Variants in DAB1 observed in about 807,000 individuals in gnomAD.
DAB1 encodes DAB adaptor protein 1, also known as disabled homolog 1.
Under a neutral mutation model 64.6 loss-of-function variants are expected in DAB1, and 15 were observed. The observed-to-expected ratio is 0.23, with a 90% CI of 0.16 to 0.36. The LOEUF is 0.36. Ranked by LOEUF, DAB1 falls within the 10% of genes least tolerant of loss-of-function variation. The pLI is 1.00. For synonymous variants in DAB1, 235 were observed against 251.9 expected (o/e 0.93, Z 0.64); for missense variants, 596 against 706.7 (o/e 0.84, Z 1.78).
chr1:57,625,764 G>T (rs559796298), intron 7 of DAB1, among the ~76,000 whole-genome samples: 1 of 152,218 alleles, frequency 6.6e-6, no homozygotes, highest in Admixed American at 6.5e-5. Context: ...AAGACAGAAG[G>T]AGAGAGTGAA....
intron 2 of DAB1, among the ~76,000 whole-genome samples, chr1:57,245,175 C>T (rs1668771631): frequency 6.6e-6 from 1 of 152,128 alleles, no homozygotes; most frequent in Non-Finnish European, 1.5e-5. Context: ...AGTAAAGGTC[C>T]CTTTTGCTAT....
intron 4 of DAB1, among the ~76,000 whole-genome samples, chr1:58,244,179 T>C (rs1336467950): frequency 6.6e-6 from 1 of 152,134 alleles, no homozygotes; most frequent in East Asian, 1.9e-4. Context: ...TGAGAATTGA[T>C]AGAATAACAT....
chr1:57,545,700 T>C (rs1050417707), intron 7 of DAB1, among the ~76,000 whole-genome samples: 1 of 152,206 alleles, frequency 6.6e-6, no homozygotes, highest in South Asian at 2.1e-4. Context: ...AATTCATAGC[T>C]TCTTCCCCTT....
At chr1:57,544,793 T>C (rs1439563185) in intron 7 of DAB1, among the ~76,000 whole-genome samples, 1 of 152,224 alleles carries the variant, frequency 6.6e-6, no homozygotes, top group Non-Finnish European at 1.5e-5. Context: ...TTTCCCTCTT[T>C]GCTAGGCACT....
chr1:58,462,059 A>G (rs1382621655), intron 3 of DAB1, among the ~76,000 whole-genome samples: 1 of 149,982 alleles, frequency 6.7e-6, no homozygotes, highest in Non-Finnish European at 1.5e-5. Flanking sequence ...CCAAGGACTC[A>G]GGGGGGTAAT....
At chr1:57,738,212 G>A (rs1647789155) in intron 6 of DAB1, among the ~76,000 whole-genome samples, 1 of 152,148 alleles carries the variant, frequency 6.6e-6, no homozygotes, top group Admixed American at 6.5e-5. Context: ...AGAAAACAGA[G>A]ACTTGAGTAT....
chr1:57,439,418 G>GTT lies in DAB1; in HGVS notation n.626-148254_626-148253dup. Among the ~76,000 whole-genome samples the GTT allele has an allele frequency of 8.2e-4, 95 of 116,086 alleles. 5 individuals carry two copies. Among genetic ancestry groups the GTT allele is most frequent in the South Asian group, 1.9e-3 (6 of 3,090 alleles). The allele number at this position is 116,086 out of a possible 152,430, so 76.2% of individuals were successfully genotyped here. ...GCCATGCCATCAACTTGGTGATGAG[G>GTT]TTTTTTCTTTTTTTTTTTTTTTTTT... On this transcript the variant is annotated intron_variant and non_coding_transcript_variant, in intron 7 of 20. Coordinates refer to the DAB1 transcript ENST00000485760.
rs185026536 is a variant in DAB1, at chr1:57,135,710, A to T, written c.306+833T>A. ...ATACTAGTCAGAACAAGGAAGAGAA[A>T]ATAATAATGCAAAATGACCAAGGTA... On this transcript the variant is annotated intron_variant, in intron 4 of 14. Coordinates refer to ENST00000371236, the MANE Select transcript of DAB1 (RefSeq NM_001365792.1). 3.3e-5 allele frequency among the ~76,000 whole-genome samples: 5 copies of T among 152,342 alleles called. No individual in the cohort carries two copies. In the East Asian group the frequency reaches 9.6e-4, roughly 29 times the overall value.
chr1:58,043,968 C>T (rs990275886), intron 5 of DAB1, among the ~76,000 whole-genome samples: 21 of 152,184 alleles, frequency 1.4e-4, no homozygotes, highest in Non-Finnish European at 2.2e-4. Context: ...CCTCGTGATC[C>T]GCCTGCCTTG....
intron 4 of DAB1, among the ~76,000 whole-genome samples, chr1:58,267,309 A>G (rs1055015159): frequency 6.6e-6 from 1 of 152,218 alleles, no homozygotes; most frequent in Non-Finnish European, 1.5e-5. Context: ...AGTATCCAGC[A>G]TTTGTTCTGG....
chr1:58,262,223 G>A (rs1661062673), intron 4 of DAB1, among the ~76,000 whole-genome samples: 1 of 152,172 alleles, frequency 6.6e-6, no homozygotes, highest in South Asian at 2.1e-4. Context: ...ACTAAGGAGT[G>A]GCCAGAGATG....
In DAB1 at chr1:58,397,246, G is replaced by A. The variant is rs773704828; in HGVS notation, n.258-53843C>T. Among the ~76,000 whole-genome samples, 2 of 152,076 alleles carry A rather than the reference G, an allele frequency of 1.3e-5. 1 individual carries two copies. Among genetic ancestry groups the A allele is most frequent in the Non-Finnish European group, 2.9e-5 (2 of 68,004 alleles). On this transcript the variant is annotated intron_variant and non_coding_transcript_variant, in intron 3 of 20. Transcript: ENST00000485760. ...AAGAACCTGTGATCAGCCCATACTC[G>A]GCCCAGGCACAACATTCCTGACCTC...
At chr1:58,061,511 G>A (rs1360661015) in intron 5 of DAB1, among the ~76,000 whole-genome samples, 1 of 152,144 alleles carries the variant, frequency 6.6e-6, no homozygotes, top group Non-Finnish European at 1.5e-5. Context: ...CCCTGTGTCT[G>A]TCTGTCCAAA....
chr1:57,367,604 T>C (rs1047108323), intron 1 of DAB1, among the ~76,000 whole-genome samples: 2 of 152,310 alleles, frequency 1.3e-5, no homozygotes, highest in African/African-American at 4.8e-5. Flanking sequence ...CCAATGGCAG[T>C]GGCGACCTAT....
chr1:57,124,508 T>C (rs779494253), intron 4 of DAB1, among the ~76,000 whole-genome samples: 14 of 152,184 alleles, frequency 9.2e-5, no homozygotes, highest in African/African-American at 1.4e-4. Flanking sequence ...AAAATCTTTA[T>C]TTTCAAAATT....
At chr1:58,100,089 A>G (rs1185139268) in intron 5 of DAB1, among the ~76,000 whole-genome samples, 1 of 152,246 alleles carries the variant, frequency 6.6e-6, no homozygotes, top group Admixed American at 6.5e-5. Context: ...GGTAAAAGAT[A>G]CACAACCTAA....
intron 5 of DAB1, among the ~76,000 whole-genome samples, chr1:58,025,706 A>G (rs1396073560): frequency 6.9e-6 from 1 of 144,172 alleles, no homozygotes; most frequent in African/African-American, 2.6e-5. Context: ...TCATAAATTT[A>G]GAGTAAAGTT....
At chr1:57,438,418 C>T (rs1170255936) in intron 7 of DAB1, among the ~76,000 whole-genome samples, 1 of 151,926 alleles carries the variant, frequency 6.6e-6, no homozygotes, top group Non-Finnish European at 1.5e-5. Flanking sequence ...TGGCCAATAA[C>T]CATACTGAGC....
rs150568421 is a variant in DAB1, at chr1:57,649,055, A to T, written n.625+537T>A. Among the ~76,000 whole-genome samples, 638 of 152,336 alleles carry T rather than the reference A, an allele frequency of 4.2e-3. 12 individuals carry two copies. Among genetic ancestry groups the T allele is most frequent in the Admixed American group, 0.038 (578 of 15,300 alleles). On this transcript the variant is annotated intron_variant and non_coding_transcript_variant, in intron 7 of 20. Coordinates refer to the DAB1 transcript ENST00000485760. Reference sequence around the variant, plus strand: ...CATAATTCAGGGTTGCCATCATTTAAAAGTTTAGGACGTCAAAATAACAGT... The same window carrying T: ...CATAATTCAGGGTTGCCATCATTTATAAGTTTAGGACGTCAAAATAACAGT...
Sources: allele counts gnomAD v4.1 joint callset (sites outside exome capture counted in the v4.1 genomes callset), GRCh38; gene constraint gnomAD v4.1.1; transcripts MANE v1.5; gene names NCBI Gene and HGNC (gene_info 2026-07-23, HGNC 2026-07-21).